Variants in VAT1L observed in about 807,000 individuals in gnomAD.
VAT1L encodes the protein putative NADPH-dependent quinone oxidoreductase VAT1L.
Under a neutral mutation model 44.1 loss-of-function variants are expected in VAT1L, and 34 were observed. The ratio of observed to expected loss-of-function variants is 0.77; its 90% CI spans 0.59 to 1.03. The LOEUF (loss-of-function observed/expected upper bound fraction) is 1.03. Among genes scored for constraint, VAT1L ranks in the 50% least tolerant of loss-of-function variants. The probability of loss-of-function intolerance (pLI) is 0.00; values close to 1 mark genes in which losing one functional copy is unlikely to be tolerated. For missense variants in VAT1L, 615 were observed against 538.8 expected (o/e 1.14, Z -1.40); for synonymous variants, 253 against 202.2 (o/e 1.25, Z -2.13).
At chr16:77,974,950 A>G (rs753072179) in intron 8 of VAT1L, among the ~76,000 whole-genome samples, 2 of 152,122 alleles carry the variant, frequency 1.3e-5, no homozygotes, top group Non-Finnish European at 2.9e-5. Flanking sequence ...ACGTGGTGGA[A>G]AAGAGGCTAC....
At chr16:77,944,856 A>G (rs1369379833) in intron 7 of VAT1L, among the ~76,000 whole-genome samples, 2 of 152,158 alleles carry the variant, frequency 1.3e-5, no homozygotes, top group African/African-American at 2.4e-5. Context: ...ACGGCAAGAA[A>G]GGAAAAGAGT....
At chr16:77,795,680 G>A (rs1037663574) in intron 1 of VAT1L, among the ~76,000 whole-genome samples, 3 of 152,154 alleles carry the variant, frequency 2.0e-5, no homozygotes, top group Non-Finnish European at 2.9e-5. Context: ...GGGAATCAGC[G>A]CAGACGGGGA....
At chr16:77,885,530 C>G (rs1188506532) in intron 7 of VAT1L, among the ~76,000 whole-genome samples, 1 of 151,988 alleles carries the variant, frequency 6.6e-6, no homozygotes, top group African/African-American at 2.4e-5. Flanking sequence ...GAGATGTGGC[C>G]TGGATTTTAA....
intron 7 of VAT1L, among the ~76,000 whole-genome samples, chr16:77,953,621 G>A (rs1282687088): frequency 6.6e-6 from 1 of 152,028 alleles, no homozygotes; most frequent in African/African-American, 2.4e-5. Flanking sequence ...GCTCACTGCG[G>A]TCTCGAACTC....
At chr16:77,958,508 C>T (rs148365865) in intron 7 of VAT1L, among the ~76,000 whole-genome samples, 1 of 152,306 alleles carries the variant, frequency 6.6e-6, no homozygotes, top group Non-Finnish European at 1.5e-5. Flanking sequence ...CACTTCAGTT[C>T]TATTCAACCA....
chr16:77,944,619 G>A (rs138015328), intron 7 of VAT1L, among the ~76,000 whole-genome samples: 1 of 152,308 alleles, frequency 6.6e-6, no homozygotes, highest in South Asian at 2.1e-4. Flanking sequence ...GATAATGCCT[G>A]TAAGCCAGTT....
rs756341188 is a variant in VAT1L, at chr16:77,979,978, G to A, written c.*2283G>A. 3.9e-5 allele frequency: 6 copies of A among 152,632 alleles called. No individual in the cohort carries two copies. Among genetic ancestry groups the A allele is most frequent in the Non-Finnish European group, 5.9e-5 (4 of 68,034 alleles). 9.5% of individuals were successfully genotyped at this position (152,632 alleles called of 1,614,324 possible). A position where few individuals can be genotyped will look rare whatever the true frequency, so the allele number is the denominator to read the frequency against. On this transcript the variant is annotated 3_prime_UTR_variant, in exon 9 of 9. Coordinates refer to ENST00000302536, the MANE Select transcript of VAT1L (RefSeq NM_020927.3). ...CTGTGAAGGCTTCTCTGTAATTTAA[G>A]CTTGATAGAAGTGAACTGAAACATT...
chr16:77,956,127 T>C (rs1057010003), intron 7 of VAT1L, among the ~76,000 whole-genome samples: 1 of 152,210 alleles, frequency 6.6e-6, no homozygotes, highest in Non-Finnish European at 1.5e-5. Flanking sequence ...GGATGGATAC[T>C]GCATTCTCCA....
intron 7 of VAT1L, among the ~76,000 whole-genome samples, chr16:77,895,193 T>C (rs1194359640): frequency 6.6e-6 from 1 of 151,858 alleles, no homozygotes; most frequent in Non-Finnish European, 1.5e-5. Flanking sequence ...TTACCAGCAC[T>C]ATCACGCCCC....
intron 7 of VAT1L, among the ~76,000 whole-genome samples, chr16:77,898,753 T>C (rs1269155902): frequency 1.3e-5 from 2 of 152,232 alleles, no homozygotes; most frequent in South Asian, 2.1e-4. Context: ...GATGTGCTAC[T>C]GCTGTGCTGC....
chr16:77,951,416 G>A (rs573553025), intron 7 of VAT1L, among the ~76,000 whole-genome samples: 6 of 152,170 alleles, frequency 3.9e-5, no homozygotes, highest in African/African-American at 1.4e-4. Context: ...TGTGGTGGCG[G>A]GAGCCTGTAA....
intron 8 of VAT1L, among the ~76,000 whole-genome samples, chr16:77,976,620 A>G (rs2018343397): frequency 1.3e-5 from 2 of 152,214 alleles, no homozygotes; most frequent in Non-Finnish European, 2.9e-5. Flanking sequence ...AATCTGAGGC[A>G]CAGATCATGT....
chr16:77,801,554 T>C (rs1014931942), intron 1 of VAT1L: 8 of 152,154 alleles, frequency 5.3e-5, no homozygotes, highest in South Asian at 4.1e-4. Context: ...AATGAACAGA[T>C]TGTGGGGCAG....
intron 3 of VAT1L, among the ~76,000 whole-genome samples, chr16:77,836,600 C>G (rs2016641559): frequency 1.3e-5 from 2 of 152,140 alleles, no homozygotes; most frequent in African/African-American, 2.4e-5. Context: ...AACGAGGGCC[C>G]CGCCTCCTTG....
intron 3 of VAT1L, among the ~76,000 whole-genome samples, chr16:77,862,366 G>A (rs1322187795): frequency 1.3e-5 from 2 of 152,124 alleles, no homozygotes; most frequent in African/African-American, 4.8e-5. Context: ...TGTAATCCTA[G>A]CACTTTAGGA....
chr16:77,856,404 G>T (rs565750051), intron 3 of VAT1L, among the ~76,000 whole-genome samples: 1 of 152,026 alleles, frequency 6.6e-6, no homozygotes, highest in Non-Finnish European at 1.5e-5. Context: ...CCACTTAATG[G>T]GTAAAAAGAA....
chr16:77,855,288 C>A (rs994101103), intron 3 of VAT1L, among the ~76,000 whole-genome samples: 2 of 150,442 alleles, frequency 1.3e-5, no homozygotes, highest in African/African-American at 2.5e-5. Context: ...TACGGTGAGC[C>A]GAGATCGTGC....
chr16:77,881,210 T>C (rs1463148911), intron 6 of VAT1L, among the ~76,000 whole-genome samples: 1 of 152,236 alleles, frequency 6.6e-6, no homozygotes. Context: ...TTTTGCCCCC[T>C]CTACTTTTGG....
rs2017193522 is a variant in VAT1L at position 77,884,800 on chromosome 16, G to A, written c.1075G>A (p.Glu359Lys). Residue 359 changes from glutamate to lysine, a missense_variant and splice_region_variant, in exon 7 of 9, where the codon GAG (glutamate) becomes AAG (lysine). Physicochemically the swap from Glu to Lys is moderately conservative, Grantham distance 56. Coordinates refer to ENST00000302536, the MANE Select transcript of VAT1L (RefSeq NM_020927.3). This position sits in a 1 kb window ranked among gnomAD's most constrained non-coding sequence, Gnocchi z 4.5. ...PVVDSLWALEEVKEAMQRIHD... is the reference protein window; with the variant it reads ...PVVDSLWALEKVKEAMQRIHD... ...GGTGGACTCCTTGTGGGCTCTGGAG[G>A]AGGTAAGAATGGTGCTTTTCTTCTG... 1 of 1,493,222 alleles carries A rather than the reference G, an allele frequency of 6.7e-7. No homozygotes were observed. The highest frequency in any genetic ancestry group is 2.5e-5 in the East Asian group (1 of 39,606). 92.5% of individuals were successfully genotyped at this position (1,493,222 alleles called of 1,614,324 possible).
Sources: allele counts gnomAD v4.1 joint callset (sites outside exome capture counted in the v4.1 genomes callset), GRCh38; gene constraint gnomAD v4.1.1; non-coding constraint Gnocchi (gnomAD v3.1); transcripts MANE v1.5; gene names NCBI Gene and HGNC (gene_info 2026-07-23, HGNC 2026-07-21).